Variants in ADGRL2 observed in about 807,000 individuals in gnomAD.
ADGRL2 encodes calcium-independent alpha-latrotoxin receptor 2.
A neutral mutation model predicts 157.4 loss-of-function variants in ADGRL2; 44 were observed. The observed-to-expected ratio is 0.28, with a 90% CI of 0.22 to 0.36. ADGRL2 has a LOEUF of 0.36. Among genes scored for constraint, ADGRL2 ranks in the 10% least tolerant of loss-of-function variants. ADGRL2 has a pLI of 1.00. For missense variants in ADGRL2, 1,510 were observed against 1,768.9 expected, an observed-to-expected ratio of 0.85 and a Z score of 2.63; for synonymous variants, 585 against 624.7, an observed-to-expected ratio of 0.94 and a Z score of 0.95.
rs539792809 is a variant in ADGRL2 at position 81,522,055 on chromosome 1, C to A, written c.-247-58821C>A. On this transcript the variant is annotated intron_variant, in intron 2 of 24. Coordinates refer to the ADGRL2 transcript ENST00000370721. The stretch of plus-strand genomic sequence containing the variant: ...TCTCGGCTCACTGCAGCCTCTGCCT[C>A]CTGGGTTCCGGCGATTCTCCTTCCT... 9.0e-4 allele frequency among the ~76,000 whole-genome samples: 136 copies of A among 150,978 alleles called. 4 individuals carry two copies. The highest frequency in any genetic ancestry group is 1.0e-3 in the Non-Finnish European group (68 of 67,932).
chr1:81,932,513 G>A (rs1203035275), intron 3 of ADGRL2, among the ~76,000 whole-genome samples: 14 of 152,076 alleles, frequency 9.2e-5, no homozygotes, highest in Admixed American at 9.2e-4. Flanking sequence ...ATCATGTTTT[G>A]CCATTCATAT....
intron 3 of ADGRL2, among the ~76,000 whole-genome samples, chr1:81,692,365 C>G (rs1240205326): frequency 6.6e-6 from 1 of 152,116 alleles, no homozygotes; most frequent in African/African-American, 2.4e-5. Context: ...TATACCCATC[C>G]TACTGCCAAG....
At chr1:81,625,529 G>C (rs2081892372) in intron 3 of ADGRL2, 1 of 152,046 alleles carries the variant, frequency 6.6e-6, no homozygotes, top group Admixed American at 6.6e-5. Flanking sequence ...TCCAGTCTTT[G>C]AGGACTGGAG....
chr1:81,557,522 A>AAAGAG (rs1491588643), intron 2 of ADGRL2: 1 of 150,876 alleles, frequency 6.6e-6, no homozygotes, highest in Non-Finnish European at 1.5e-5. Context: ...AGAAAGAAAG[A>AAAGAG]AAGAGAAGAA....
intron 2 of ADGRL2, among the ~76,000 whole-genome samples, chr1:81,526,823 T>C (rs1248126063): frequency 6.6e-6 from 1 of 152,236 alleles, no homozygotes; most frequent in African/African-American, 2.4e-5. Context: ...TCAGATATTT[T>C]TGTCTGTTTG....
In ADGRL2 at chr1:81,936,185, C is replaced by T. The variant is rs186584902; in HGVS notation, c.288-543C>T. 1.1e-4 allele frequency among the ~76,000 whole-genome samples: 16 copies of T among 151,878 alleles called. No homozygotes were observed. In the East Asian group the frequency reaches 3.1e-3, roughly 29 times the overall value. Reference sequence around the variant, plus strand: ...TCTACTAGCTTAGTTTCTGGTATTCCAGAAAGTATGTACAATGAAGAAATT... The same window carrying T: ...TCTACTAGCTTAGTTTCTGGTATTCTAGAAAGTATGTACAATGAAGAAATT... On this transcript the variant is annotated intron_variant, in intron 3 of 23. Transcript: ENST00000686636.
At chr1:81,327,800 T>C (rs1355671732) in intron 1 of ADGRL2, among the ~76,000 whole-genome samples, 2 of 152,186 alleles carry the variant, frequency 1.3e-5, no homozygotes, top group East Asian at 3.8e-4. Flanking sequence ...TTTTAAACTT[T>C]GGAAGAGTTG....
intron 2 of ADGRL2, among the ~76,000 whole-genome samples, chr1:81,469,482 C>T (rs2101857016): frequency 6.6e-6 from 1 of 152,290 alleles, no homozygotes; most frequent in African/African-American, 2.4e-5. Flanking sequence ...CTTTCATCCC[C>T]TAAATTACTA....
intron 3 of ADGRL2, among the ~76,000 whole-genome samples, chr1:81,605,337 G>A (rs1570619347): frequency 6.6e-6 from 1 of 152,154 alleles, no homozygotes; most frequent in South Asian, 2.1e-4. Context: ...ATGACAAACT[G>A]TATTATTCAA....
At chr1:81,317,083 G>A (rs937678341) in intron 1 of ADGRL2, among the ~76,000 whole-genome samples, 1 of 152,012 alleles carries the variant, frequency 6.6e-6, no homozygotes, top group Non-Finnish European at 1.5e-5. Flanking sequence ...AATTTTGAGA[G>A]GCATTTTTGA....
intron 1 of ADGRL2, among the ~76,000 whole-genome samples, chr1:81,435,014 C>T (rs2077384755): frequency 6.6e-6 from 1 of 151,950 alleles, no homozygotes; most frequent in Admixed American, 6.6e-5. Flanking sequence ...TGTACCAGTC[C>T]CTGAAAGTAT....
At chr1:81,474,639 C>G (rs1343111679) in intron 2 of ADGRL2, among the ~76,000 whole-genome samples, 1 of 152,128 alleles carries the variant, frequency 6.6e-6, no homozygotes, top group Non-Finnish European at 1.5e-5. Context: ...AGAGTAGAGT[C>G]AAATCACTAC....
At chr1:81,544,260 T>A (rs2148344514) in intron 2 of ADGRL2, among the ~76,000 whole-genome samples, 2 of 152,300 alleles carry the variant, frequency 1.3e-5, no homozygotes, top group East Asian at 3.9e-4. Context: ...TGCTCTAATT[T>A]CTAGAACAGT....
chr1:81,939,958 A>G (rs185232078), intron 4 of ADGRL2, among the ~76,000 whole-genome samples: 91 of 151,262 alleles, frequency 6.0e-4, no homozygotes, highest in African/African-American at 2.1e-3. Context: ...CTTACTTTTC[A>G]ACAGAATTAT....
intron 1 of ADGRL2, among the ~76,000 whole-genome samples, chr1:81,403,015 C>T (rs1055753750): frequency 1.3e-5 from 2 of 152,184 alleles, no homozygotes; most frequent in Admixed American, 1.3e-4. Context: ...TTGCAAACAA[C>T]CTTTTATTAA....
intron 2 of ADGRL2, among the ~76,000 whole-genome samples, chr1:81,787,610 G>A (rs961135143): frequency 6.6e-6 from 1 of 151,932 alleles, no homozygotes; most frequent in East Asian, 1.9e-4. Flanking sequence ...AGCTGGGGTC[G>A]CACCACTGCA....
intron 1 of ADGRL2, among the ~76,000 whole-genome samples, chr1:81,745,222 C>CT: frequency 6.6e-6 from 1 of 152,158 alleles, no homozygotes; most frequent in East Asian, 1.9e-4. Context: ...AATAGTTTAA[C>CT]TTTTTTATAG....
chr1:81,397,880 G>A (rs185895385), intron 1 of ADGRL2, among the ~76,000 whole-genome samples: 5 of 152,014 alleles, frequency 3.3e-5, no homozygotes, highest in Middle Eastern at 3.2e-3. Flanking sequence ...TGATTTTTTC[G>A]TCTAGATAAT....
chr1:81,575,455 C>T (rs1279093932), intron 2 of ADGRL2, among the ~76,000 whole-genome samples: 1 of 143,416 alleles, frequency 7.0e-6, no homozygotes, highest in African/African-American at 2.4e-5. Context: ...TCGTATAAAT[C>T]ACTGTTAGCG....
Sources: gnomAD v4.1 joint callset for allele counts (sites outside exome capture counted in the v4.1 genomes callset) on GRCh38, gnomAD v4.1.1 for gene constraint, MANE v1.5 for transcripts, NCBI Gene and HGNC (gene_info 2026-07-23, HGNC 2026-07-21) for gene names.